Variants in AKAP3 observed in about 807,000 individuals in gnomAD.
The protein encoded by AKAP3 is A-kinase anchoring protein 3.
A neutral mutation model predicts 57.2 loss-of-function variants in AKAP3; 27 were observed. The observed-to-expected ratio is 0.47, with a 90% CI of 0.35 to 0.65. The LOEUF is 0.65. AKAP3 is among the 30% of genes least tolerant of loss of function. The pLI, the probability that AKAP3 is intolerant of heterozygous loss-of-function variation, is 0.01. For synonymous variants in AKAP3, 334 were observed against 392.3 expected, an observed-to-expected ratio of 0.85 and a Z score of 1.76; for missense variants, 959 against 1,040.0, an observed-to-expected ratio of 0.92 and a Z score of 1.07.
chr12:4,634,311 A>C (rs1475869368), intron 4 of AKAP3, among the ~76,000 whole-genome samples: 2 of 152,178 alleles, frequency 1.3e-5, no homozygotes, highest in African/African-American at 4.8e-5. Context: ...GAACAACTGA[A>C]GCCCCTTCCT....
intron 5 of AKAP3, 25 bp downstream of exon 5, chr12:4,626,471 A>T: frequency 6.3e-7 from 1 of 1,599,174 alleles, no homozygotes; most frequent in South Asian, 1.1e-5. Flanking sequence ...TAAAGCTTCC[A>T]AATTCCTCTG....
intron 2 of AKAP3, 88 bp downstream of exon 2, chr12:4,644,966 AT>A (rs1269887928): frequency 6.6e-6 from 1 of 152,134 alleles, no homozygotes; most frequent in African/African-American, 2.4e-5. Context: ...GAACATAACA[AT>A]TTTCCTATCA....
chr12:4,624,776 T>C (rs558541400), intron 5 of AKAP3, among the ~76,000 whole-genome samples: 1 of 49,122 alleles, frequency 2.0e-5, no homozygotes, highest in East Asian at 6.8e-4. Context: ...GTCAATAAAA[T>C]AGATGACTGG....
At chr12:4,630,775 C>T (rs545984137) in intron 4 of AKAP3, among the ~76,000 whole-genome samples, 5 of 152,272 alleles carry the variant, frequency 3.3e-5, no homozygotes, top group South Asian at 4.1e-4. Flanking sequence ...AGGGGAGGGT[C>T]GACTGACTGC....
intron 5 of AKAP3, among the ~76,000 whole-genome samples, chr12:4,620,067 A>C (rs1945328079): frequency 6.6e-6 from 1 of 152,238 alleles, no homozygotes; most frequent in African/African-American, 2.4e-5. Flanking sequence ...AGAAATAAAG[A>C]GTCTCCAGTC....
chr12:4,618,384 T>A lies in AKAP3; in HGVS notation c.2407-2490A>T, dbSNP rs537209880. The stretch of plus-strand genomic sequence containing the variant: ...GAGGGGCCAGATTCCCAGTGGTCTT[T>A]TCAACGAATGGTGCCAAGATAAGCT... On this transcript the variant is annotated intron_variant, in intron 5 of 5. Transcript: ENST00000228850. Among the ~76,000 whole-genome samples the A allele has an allele frequency of 1.3e-4, 20 of 152,312 alleles. No individual in the cohort carries two copies. The South Asian group carries it at 4.2e-3, about 32-fold the overall frequency.
At chr12:4,617,581 C>G (rs1489438297) in intron 5 of AKAP3, among the ~76,000 whole-genome samples, 1 of 152,122 alleles carries the variant, frequency 6.6e-6, no homozygotes, top group African/African-American at 2.4e-5. Flanking sequence ...GGCAAAACCC[C>G]ATCTCTACTA....
chr12:4,639,814 C>CT (rs34820221), intron 3 of AKAP3, among the ~76,000 whole-genome samples: 1,469 of 111,088 alleles, frequency 0.013, 32 homozygotes, highest in African/African-American at 0.035. Flanking sequence ...ATTTTCTTGT[C>CT]TTTTTTTTTT....
At position 4,628,741 on chromosome 12, in the gene AKAP3, G is replaced by C. The variant is rs758249595; in HGVS notation, c.161C>G (p.Ala54Gly). The stretch of plus-strand genomic sequence containing the variant: ...TTTGAACCGAACATCTTGGAACTCT[G>C]CTGTACTCTTCTCCAGGTCTCTGCG... ...WLRRDLEKST[A>G]EFQDVRFKPG... The change falls in exon 5 of 6, where the codon GCA becomes GGA. Residue 54 changes from alanine to glycine, a missense_variant. Transcript: ENST00000228850. 1.9e-6 allele frequency: 3 copies of C among 1,614,178 alleles called. No homozygotes were observed. The highest frequency in any genetic ancestry group is 2.5e-6 in the Non-Finnish European group (3 of 1,180,000).
intron 4 of AKAP3, chr12:4,636,233 C>A: frequency 2.2e-6 from 1 of 453,628 alleles, no homozygotes; most frequent in East Asian, 5.0e-5. Flanking sequence ...GGTCAATTTT[C>A]TTCTTTCTGG....
Position 4,625,052 on chromosome 12 carries a change from T to A in AKAP3, c.2406+1444A>T, listed in dbSNP as rs548189433. On this transcript the variant is annotated intron_variant, in intron 5 of 5. Coordinates refer to ENST00000228850, the MANE Select transcript of AKAP3 (RefSeq NM_001278309.2). The surrounding 1 kb of genome is among the most constrained non-coding windows in gnomAD (Gnocchi z 5.4). ...TTAGATTTTTTTCATCAGTTTAAAT[T>A]TTCTTCAGCATATAGCCTCCCACTC... Among the ~76,000 whole-genome samples, 161 of 152,180 alleles carry A rather than the reference T, an allele frequency of 1.1e-3. 1 individual carries two copies. The highest frequency in any genetic ancestry group is 2.2e-3 in the Admixed American group (34 of 15,266).
chr12:4,629,453 G>C (rs1447714100), intron 4 of AKAP3, among the ~76,000 whole-genome samples: 2 of 152,106 alleles, frequency 1.3e-5, no homozygotes, highest in African/African-American at 2.4e-5. Flanking sequence ...ACATAGAGGG[G>C]AACAACACAC....
Position 4,638,138 on chromosome 12 carries a change from T to C in AKAP3, c.59A>G (p.Tyr20Cys), listed in dbSNP as rs751521948. ...SQNGVCKVDV[Y>C]SPGDNQAQDW... Reference sequence around the variant, plus strand: ...CTGGGCTTGGTTGTCTCCAGGAGAATAGACATCAACTTTGCATACTCCATT... The same window carrying C: ...CTGGGCTTGGTTGTCTCCAGGAGAACAGACATCAACTTTGCATACTCCATT... The change falls in exon 4 of 6, where the codon TAT (tyrosine) becomes TGT (cysteine). Residue 20 changes from tyrosine (Y) to cysteine (C), a missense_variant. Transcript: ENST00000228850. The C allele has an allele frequency of 1.1e-5, 18 of 1,613,978 alleles. No individual in the cohort carries two copies. Among genetic ancestry groups the C allele is most frequent in the Non-Finnish European group, 1.4e-5 (16 of 1,179,940 alleles).
intron 4 of AKAP3, among the ~76,000 whole-genome samples, chr12:4,629,498 G>A (rs981077596): frequency 1.3e-5 from 2 of 152,124 alleles, no homozygotes; most frequent in Admixed American, 6.5e-5. Context: ...GTAGGGAGGA[G>A]GGAGAGGACA....
chr12:4,631,508 T>TA, intron 4 of AKAP3: 1 of 583,744 alleles, frequency 1.7e-6, no homozygotes, highest in South Asian at 2.2e-5. Context: ...ATGTTAGATG[T>TA]AAGCAGCAAT....
chr12:4,628,914 C>A, intron 4 of AKAP3, 109 bp from the exon 5 acceptor site: 1 of 1,170,892 alleles, frequency 8.5e-7, no homozygotes, highest in Non-Finnish European at 1.2e-6. Flanking sequence ...CAAGCTTGCT[C>A]CATCTTGGCA....
chr12:4,630,395 G>A (rs1004475211), intron 4 of AKAP3, among the ~76,000 whole-genome samples: 4 of 152,170 alleles, frequency 2.6e-5, no homozygotes, highest in Admixed American at 1.3e-4. Context: ...TTCGTATTCA[G>A]ATGCAATTCT....
At chr12:4,631,082 A>G (rs1945491993) in intron 4 of AKAP3, among the ~76,000 whole-genome samples, 1 of 152,148 alleles carries the variant, frequency 6.6e-6, no homozygotes, top group African/African-American at 2.4e-5. Flanking sequence ...CCAGAGTAGC[A>G]ATAGAAGTTT....
chr12:4,631,266 G>A (rs1206185809), intron 4 of AKAP3: 3 of 695,136 alleles, frequency 4.3e-6, no homozygotes, highest in African/African-American at 1.8e-5. Context: ...TATATTCTCT[G>A]CTGGGTGTGA....
Sources: allele counts gnomAD v4.1 joint callset (sites outside exome capture counted in the v4.1 genomes callset), GRCh38; gene constraint gnomAD v4.1.1; non-coding constraint Gnocchi (gnomAD v3.1); transcripts MANE v1.5; gene names NCBI Gene and HGNC (gene_info 2026-07-23, HGNC 2026-07-21).